The following MAGI1 variants were observed in gnomAD, a reference collection of about 807,000 sequenced individuals.
MAGI1 encodes the protein membrane associated guanylate kinase, WW and PDZ domain containing 1.
Under a neutral mutation model 139.9 loss-of-function variants are expected in MAGI1, and 58 were observed. The ratio of observed to expected loss-of-function variants is 0.41; its 90% CI spans 0.34 to 0.52. MAGI1 has a LOEUF of 0.52. Among genes scored for constraint, MAGI1 ranks in the 20% least tolerant of loss-of-function variants. The pLI is 0.12. For synonymous variants in MAGI1, 812 were observed against 737.9 expected, an observed-to-expected ratio of 1.10 and a Z score of -1.63; for missense variants, 1,874 against 1,901.6, an observed-to-expected ratio of 0.99 and a Z score of 0.27.
chr3:65,805,754 G>A (rs1295293550), intron 1 of MAGI1, among the ~76,000 whole-genome samples: 1 of 152,208 alleles, frequency 6.6e-6, no homozygotes, highest in Admixed American at 6.5e-5. Flanking sequence ...ATACTATGCA[G>A]CCATAAAAAG....
At chr3:65,887,363 G>A (rs1024744574) in intron 1 of MAGI1, among the ~76,000 whole-genome samples, 1 of 133,790 alleles carries the variant, frequency 7.5e-6, no homozygotes. Context: ...GCACATATTA[G>A]AACTCTGTAC....
chr3:65,527,202 A>G (rs1221299914), intron 2 of MAGI1, among the ~76,000 whole-genome samples: 1 of 152,206 alleles, frequency 6.6e-6, no homozygotes, highest in Admixed American at 6.5e-5. Flanking sequence ...AGCCCTTAAC[A>G]CTGGCATTTC....
At chr3:66,037,908 G>T in intron 1 of MAGI1, 88 bp downstream of exon 1, 5 of 1,508,072 alleles carry the variant, frequency 3.3e-6, no homozygotes, top group Middle Eastern at 3.9e-4. Context: ...GCGCTCCGAG[G>T]AGGGAAGCAG....
At chr3:65,774,710 A>G (rs62244007) in intron 1 of MAGI1, among the ~76,000 whole-genome samples, 25,790 of 152,156 alleles carry the variant, frequency 0.17, 2,444 homozygotes, top group Middle Eastern at 0.32. Flanking sequence ...GAACAAGTAC[A>G]TGGAACATAT....
At chr3:65,738,045 G>A (rs2034927891) in intron 1 of MAGI1, among the ~76,000 whole-genome samples, 1 of 152,134 alleles carries the variant, frequency 6.6e-6, no homozygotes, top group Non-Finnish European at 1.5e-5. Flanking sequence ...TGTGCTAATG[G>A]CTTTAGGCCA....
intron 1 of MAGI1, among the ~76,000 whole-genome samples, chr3:65,836,435 C>A (rs1575652988): frequency 6.6e-6 from 1 of 152,094 alleles, no homozygotes; most frequent in South Asian, 2.1e-4. Flanking sequence ...TGATAAGGAT[C>A]GTGAATAAAG....
intron 1 of MAGI1, among the ~76,000 whole-genome samples, chr3:65,625,359 C>T (rs1317886897): frequency 6.6e-6 from 1 of 152,066 alleles, no homozygotes; most frequent in Non-Finnish European, 1.5e-5. Flanking sequence ...AGTCAATGTT[C>T]AGGTTGCGTA....
chr3:65,439,165 T>C (rs530908206), intron 9 of MAGI1, among the ~76,000 whole-genome samples: 1 of 152,328 alleles, frequency 6.6e-6, no homozygotes, highest in African/African-American at 2.4e-5. Context: ...TGAAATGGAA[T>C]ATTACGTCAC....
intron 1 of MAGI1, among the ~76,000 whole-genome samples, chr3:65,870,073 T>C (rs1334718029): frequency 6.6e-6 from 1 of 152,148 alleles, no homozygotes; most frequent in East Asian, 1.9e-4. Flanking sequence ...ATGCATTTCC[T>C]CTTAGAAAGA....
intron 1 of MAGI1, among the ~76,000 whole-genome samples, chr3:65,820,826 T>G (rs2108251232): frequency 6.6e-6 from 1 of 152,300 alleles, no homozygotes; most frequent in Non-Finnish European, 1.5e-5. Context: ...AGCAACTAAC[T>G]GTTCCAGGTC....
chr3:65,377,901 G>A (rs1942683810), intron 17 of MAGI1, among the ~76,000 whole-genome samples: 1 of 152,142 alleles, frequency 6.6e-6, no homozygotes. Context: ...AACACACCAG[G>A]ATTAAATGGA....
At chr3:65,924,589 G>C (rs1374552663) in intron 1 of MAGI1, among the ~76,000 whole-genome samples, 1 of 152,160 alleles carries the variant, frequency 6.6e-6, no homozygotes, top group Non-Finnish European at 1.5e-5. Context: ...TTATCTACCT[G>C]TAAGTCACAG....
intron 1 of MAGI1, among the ~76,000 whole-genome samples, chr3:65,933,238 CAG>C (rs1345127621): frequency 6.6e-6 from 1 of 152,202 alleles, no homozygotes; most frequent in African/African-American, 2.4e-5. Context: ...TATTATCTCA[CAG>C]AGTTTCTACA....
intron 21 of MAGI1, among the ~76,000 whole-genome samples, chr3:65,362,147 T>A (rs924157630): frequency 3.9e-5 from 6 of 152,178 alleles, no homozygotes; most frequent in African/African-American, 1.4e-4. Context: ...TCCCAGTACT[T>A]TAACTTCCTG....
chr3:65,798,586 C>T (rs1435278352), intron 1 of MAGI1, among the ~76,000 whole-genome samples: 1 of 152,122 alleles, frequency 6.6e-6, no homozygotes, highest in African/African-American at 2.4e-5. Flanking sequence ...TTTCCTTAAA[C>T]TTCGCAGATT....
chr3:65,548,333 C>A (rs1406873843), intron 2 of MAGI1, among the ~76,000 whole-genome samples: 1 of 151,982 alleles, frequency 6.6e-6, no homozygotes, highest in Non-Finnish European at 1.5e-5. Context: ...GCAGTTGGCA[C>A]ACAGCTCGCA....
At chr3:65,799,118 G>GA (rs1349835696) in intron 1 of MAGI1, among the ~76,000 whole-genome samples, 1 of 152,052 alleles carries the variant, frequency 6.6e-6, no homozygotes, top group Non-Finnish European at 1.5e-5. Context: ...AATAAGCAAA[G>GA]AAAAAAATCA....
At chr3:65,881,895 T>C (rs749612304) in intron 1 of MAGI1, among the ~76,000 whole-genome samples, 7 of 152,040 alleles carry the variant, frequency 4.6e-5, no homozygotes, top group Non-Finnish European at 1.0e-4. Flanking sequence ...GGAAAGCCAG[T>C]AGAGGAAACG....
chr3:65,826,463 G>A (rs763387723), intron 1 of MAGI1, among the ~76,000 whole-genome samples: 4 of 152,178 alleles, frequency 2.6e-5, no homozygotes, highest in Non-Finnish European at 2.9e-5. Context: ...GTGCCTAAAT[G>A]AGCTTTCATC....
Sources: gnomAD v4.1 joint callset for allele counts (sites outside exome capture counted in the v4.1 genomes callset) on GRCh38, gnomAD v4.1.1 for gene constraint, MANE v1.5 for transcripts, NCBI Gene and HGNC (gene_info 2026-07-23, HGNC 2026-07-21) for gene names.